ATP11B: variants seen among roughly 807,000 people sequenced by gnomAD.
ATP11B encodes phospholipid-transporting ATPase IF.
A neutral mutation model predicts 157.8 loss-of-function variants in ATP11B; 81 were observed. That is an observed-to-expected ratio of 0.51 (90% CI 0.43 to 0.62). The LOEUF is 0.62. Among genes scored for constraint, ATP11B ranks in the 20% least tolerant of loss-of-function variants. ATP11B has a pLI of 0.00. For missense variants in ATP11B, 1,165 were observed against 1,402.2 expected (o/e 0.83, Z 2.70); for synonymous variants, 451 against 469.4 (o/e 0.96, Z 0.51).
In ATP11B at chr3:182,919,665, G is replaced by A. The variant is rs1283283209; in HGVS notation, c.*1561G>A. ...GCCCTAAGCTTCCTTCCCATTTCAT[G>A]AATATAAGGCTTCTAGAATTGGACT... On this transcript the variant is annotated 3_prime_UTR_variant, in exon 30 of 30. Transcript: ENST00000323116. 6.6e-6 allele frequency: 1 copy of A among 152,148 alleles called. No homozygotes were observed. The highest frequency in any genetic ancestry group is 1.5e-5 in the Non-Finnish European group (1 of 68,018). 9.4% of individuals were successfully genotyped at this position (152,148 alleles called of 1,614,324 possible).
chr3:182,798,642 T>C (rs764478007), intron 1 of ATP11B, among the ~76,000 whole-genome samples: 1 of 152,254 alleles, frequency 6.6e-6, no homozygotes, highest in Non-Finnish European at 1.5e-5. Context: ...AAGAGCCTTA[T>C]GATTACCATT....
chr3:182,820,777 G>A (rs1387899223), intron 2 of ATP11B, among the ~76,000 whole-genome samples: 3 of 152,126 alleles, frequency 2.0e-5, no homozygotes, highest in Admixed American at 2.0e-4. Context: ...CAAGAAAACG[G>A]TGGTCGATTT....
intron 2 of ATP11B, among the ~76,000 whole-genome samples, chr3:182,825,814 C>T (rs545890618): frequency 2.6e-5 from 4 of 151,590 alleles, no homozygotes; most frequent in African/African-American, 7.3e-5. Flanking sequence ...ACATGAGAAT[C>T]GCTTGAACTC....
At chr3:182,812,016 T>C (rs933937608) in intron 1 of ATP11B, among the ~76,000 whole-genome samples, 1 of 152,188 alleles carries the variant, frequency 6.6e-6, no homozygotes, top group Non-Finnish European at 1.5e-5. Flanking sequence ...ATATCTTCCA[T>C]CCACCTTTTT....
At chr3:182,866,595 AT>A (rs1577047359) in intron 14 of ATP11B, 152 bp downstream of exon 14, 1 of 676,270 alleles carries the variant, frequency 1.5e-6, no homozygotes. Context: ...TACAATTTAA[AT>A]TTTAAATGAC....
Position 182,873,889 on chromosome 3 carries a change from A to C in ATP11B, c.2126A>C (p.Lys709Thr). 6.2e-7 allele frequency: 1 copy of C among 1,614,182 alleles called. No individual in the cohort carries two copies. Among genetic ancestry groups the C allele is most frequent in the Non-Finnish European group, 8.5e-7 (1 of 1,180,004 alleles). The change falls in exon 19 of 30, where the codon AAA (lysine) becomes ACA (threonine). Residue 709 changes from lysine to threonine, a missense_variant. By Grantham distance (78) the Lys-to-Thr change is moderately conservative (BLOSUM62 -1). Coordinates refer to ENST00000323116, the MANE Select transcript of ATP11B (RefSeq NM_014616.3). The stretch of plus-strand genomic sequence containing the variant: ...AAAGTATGGGTACTTACTGGGGATA[A>C]ACATGAAACAGCTGTTAGTGTGAGT... ...GIKVWVLTGDKHETAVSVSLS... is the reference protein window; with the variant it reads ...GIKVWVLTGDTHETAVSVSLS...
intron 1 of ATP11B, among the ~76,000 whole-genome samples, chr3:182,807,964 A>G (rs567254325): frequency 1.3e-5 from 2 of 152,326 alleles, no homozygotes; most frequent in East Asian, 1.9e-4. Context: ...ATGATCAAAC[A>G]TTTTAACTTA....
intron 19 of ATP11B, among the ~76,000 whole-genome samples, chr3:182,877,287 T>C (rs1722110655): frequency 6.6e-6 from 1 of 152,142 alleles, no homozygotes; most frequent in African/African-American, 2.4e-5. Flanking sequence ...TTGCCTCCTG[T>C]GGGGCGAAAT....
At chr3:182,904,520 G>C (rs963106574) in intron 28 of ATP11B, among the ~76,000 whole-genome samples, 2 of 152,176 alleles carry the variant, frequency 1.3e-5, no homozygotes, top group African/African-American at 2.4e-5. Context: ...ATTTACGCCT[G>C]TGACAGAGAG....
At chr3:182,837,973 G>A (rs372618626) in intron 7 of ATP11B, among the ~76,000 whole-genome samples, 110 of 152,146 alleles carry the variant, frequency 7.2e-4, no homozygotes, top group African/African-American at 2.5e-3. Flanking sequence ...ATAAGTGGTG[G>A]TAGACTATAA....
intron 29 of ATP11B, chr3:182,916,019 TTTTCA>T (rs1725117543): frequency 1.5e-5 from 15 of 984,860 alleles, no homozygotes; most frequent in African/African-American, 5.2e-5. Flanking sequence ...CTAGAAGGTC[TTTTCA>T]GACCTGTTCA....
intron 28 of ATP11B, 25 bp from the exon 29 acceptor site, chr3:182,913,836 A>G: frequency 6.2e-7 from 1 of 1,613,940 alleles, no homozygotes; most frequent in Non-Finnish European, 8.5e-7. Flanking sequence ...TAAACAACTG[A>G]TGTTTTCTGC....
chr3:182,799,659 A>T (rs1715858478), intron 1 of ATP11B, among the ~76,000 whole-genome samples: 1 of 152,094 alleles, frequency 6.6e-6, no homozygotes, highest in Admixed American at 6.6e-5. Context: ...TTTAATTTTA[A>T]TTTTTTTATT....
chr3:182,901,769 G>A (rs928381141), intron 28 of ATP11B, among the ~76,000 whole-genome samples: 2 of 152,132 alleles, frequency 1.3e-5, no homozygotes, highest in Non-Finnish European at 2.9e-5. Flanking sequence ...CCTTAAGGTA[G>A]GCCATTAGAC....
At position 182,859,315 on chromosome 3, in the gene ATP11B, A is replaced by G. The variant is rs768422901; in HGVS notation, c.1156A>G (p.Lys386Glu). The G allele has an allele frequency of 4.3e-6, 7 of 1,610,228 alleles. No homozygotes were observed. Among genetic ancestry groups the G allele is most frequent in the Non-Finnish European group, 5.9e-6 (7 of 1,177,952 alleles). Residue 386 changes from lysine (K) to glutamate (E), a missense_variant, in exon 12 of 30, where the codon AAA (lysine) becomes GAA (glutamate). Around this residue, in one of 4 missense-constraint regions of ATP11B, gnomAD observed 737 missense variants for 930.5 expected, o/e 0.79. Transcript: ENST00000323116. ...TCTGTATCATGAAGAATCAGATCAG[A>G]AAGCTCAAGTCAATACTTCCGATCT... ...LDLYHEESDQKAQVNTSDLNE... is the reference protein window; with the variant it reads ...LDLYHEESDQEAQVNTSDLNE...
At chr3:182,857,370 A>G (rs544637811) in intron 10 of ATP11B, among the ~76,000 whole-genome samples, 2 of 152,060 alleles carry the variant, frequency 1.3e-5, no homozygotes, top group African/African-American at 4.8e-5. Context: ...GATGGTCTCA[A>G]TCTCCTGATC....
intron 1 of ATP11B, among the ~76,000 whole-genome samples, chr3:182,807,895 C>T (rs1255746365): frequency 6.6e-6 from 1 of 152,070 alleles, no homozygotes; most frequent in East Asian, 1.9e-4. Flanking sequence ...TATTACCTTG[C>T]TCATGATACT....
chr3:182,911,430 A>G (rs1488359486), intron 28 of ATP11B, among the ~76,000 whole-genome samples: 11 of 152,078 alleles, frequency 7.2e-5, no homozygotes, highest in Middle Eastern at 3.4e-3. Flanking sequence ...AGGAAGTGCT[A>G]TGGTAAAGGG....
chr3:182,836,177 T>C (rs1263836927), intron 5 of ATP11B, 35 bp downstream of exon 5: 15 of 1,584,918 alleles, frequency 9.5e-6, no homozygotes, highest in African/African-American at 1.3e-5. Flanking sequence ...ATCAACTTTA[T>C]CTTGATATCA....
Sources: allele counts gnomAD v4.1 joint callset (sites outside exome capture counted in the v4.1 genomes callset), GRCh38; gene constraint gnomAD v4.1.1; regional missense constraint gnomAD v4.1.1; transcripts MANE v1.5; gene names NCBI Gene and HGNC (gene_info 2026-07-23, HGNC 2026-07-21).